SPATA19: variants seen among roughly 807,000 people sequenced by gnomAD.
SPATA19 encodes spermatogenesis-associated protein 19, mitochondrial.
In SPATA19, 19 loss-of-function variants were observed where a neutral mutation model predicts 25.0. The observed-to-expected ratio is 0.76, with a 90% confidence interval of 0.53 to 1.11. The LOEUF is 1.11. SPATA19 is among the 50% of genes most tolerant of loss of function. SPATA19 has a pLI of 0.00. For synonymous variants in SPATA19, 64 were observed against 69.3 expected, an observed-to-expected ratio of 0.92 and a Z score of 0.38; for missense variants, 222 against 211.4, an observed-to-expected ratio of 1.05 and a Z score of -0.31.
At chr11:133,836,169 T>C (rs1565394680), downstream of SPATA19, among the ~76,000 whole-genome samples, 1 of 152,158 alleles carries the variant, frequency 6.6e-6, no homozygotes, top group Non-Finnish European at 1.5e-5. Context: ...GAATAGGTTT[T>C]TGGTGTGTCC....
chr11:133,836,273 C>T (rs1275642608), downstream of SPATA19, among the ~76,000 whole-genome samples: 1 of 152,164 alleles, frequency 6.6e-6, no homozygotes, highest in Non-Finnish European at 1.5e-5. Context: ...TTACCTCCTA[C>T]TCATCCTCTA....
intron 1 of SPATA19, 56 bp from the exon 2 acceptor site, chr11:133,845,246 C>A: frequency 1.3e-6 from 2 of 1,543,678 alleles, no homozygotes; most frequent in Middle Eastern, 1.7e-4. Context: ...CAGCTCTTCC[C>A]ACCCAGCCCC....
Position 133,844,650 on chromosome 11 carries a change from G to A in SPATA19, c.136-10C>T, listed in dbSNP as rs1292171796. 4 of 1,582,546 alleles carry A rather than the reference G, an allele frequency of 2.5e-6. No individual in the cohort carries two copies. Among genetic ancestry groups the A allele is most frequent in the African/African-American group, 2.7e-5 (2 of 73,922 alleles). On this transcript the variant is annotated splice_polypyrimidine_tract_variant and intron_variant, in intron 2 of 6. Coordinates refer to ENST00000299140, the MANE Select transcript of SPATA19 (RefSeq NM_174927.3). ...AAGCCTCTTCTTCTGTCTGAAAGGT[G>A]AGAAATTCCCTCTGAAAATGTCACT...
downstream of SPATA19, among the ~76,000 whole-genome samples, chr11:133,837,851 C>T (rs115098713): frequency 1.6e-3 from 250 of 152,196 alleles, 1 homozygote; most frequent in African/African-American, 5.7e-3. Flanking sequence ...TATATAATAA[C>T]GGGATTACAG....
rs1491037470 is a variant in SPATA19 at position 133,842,577 on chromosome 11, TCG to T, written c.360-17_360-16del. 6.2e-7 allele frequency: 1 copy of T among 1,602,592 alleles called. No homozygotes were observed. The highest frequency in any genetic ancestry group is 1.1e-5 in the South Asian group (1 of 90,864). ...TACGAGTGTGGCTGCAAAAGGCCATTCGTACATTGGCATATGGGATCTGAGTT... is the reference window on the plus strand; with the variant it reads ...TACGAGTGTGGCTGCAAAAGGCCATTTACATTGGCATATGGGATCTGAGTT... On this transcript the variant is annotated splice_polypyrimidine_tract_variant and intron_variant, in intron 4 of 6. Transcript: ENST00000299140.
downstream of SPATA19, among the ~76,000 whole-genome samples, chr11:133,839,312 A>C (rs1938262591): frequency 6.6e-6 from 1 of 152,234 alleles, no homozygotes; most frequent in South Asian, 2.1e-4. Flanking sequence ...CTGGATTAAG[A>C]AAATGAGGCA....
downstream of SPATA19, among the ~76,000 whole-genome samples, chr11:133,837,857 T>C (rs1003012236): frequency 6.6e-6 from 1 of 152,182 alleles, no homozygotes; most frequent in East Asian, 1.9e-4. Flanking sequence ...ATAACGGGAT[T>C]ACAGCAGAAA....
In SPATA19 at chr11:133,844,643, G is replaced by A. The variant is rs1394493446; in HGVS notation, c.136-3C>T. 3.1e-6 allele frequency: 5 copies of A among 1,588,534 alleles called. No homozygotes were observed. The highest frequency in any genetic ancestry group is 4.3e-6 in the Non-Finnish European group (5 of 1,167,886). On this transcript the variant is annotated splice_region_variant and splice_polypyrimidine_tract_variant and intron_variant, in intron 2 of 6. Coordinates refer to ENST00000299140, the MANE Select transcript of SPATA19 (RefSeq NM_174927.3). ...CCCCGAGAAGCCTCTTCTTCTGTCT[G>A]AAAGGTGAGAAATTCCCTCTGAAAA...
At chr11:133,841,012 C>G (rs977417576) in intron 6 of SPATA19, 89 bp from the exon 7 acceptor site, 2 of 152,192 alleles carry the variant, frequency 1.3e-5, no homozygotes, top group African/African-American at 4.8e-5. Flanking sequence ...AGCTCAGAAG[C>G]CCCTGCGAAC....
chr11:133,837,744 T>G (rs916926447), downstream of SPATA19, among the ~76,000 whole-genome samples: 2 of 152,136 alleles, frequency 1.3e-5, no homozygotes, highest in African/African-American at 4.8e-5. Flanking sequence ...AGAACTAATC[T>G]TGCAAATATA....
At chr11:133,839,794 C>T (rs1284387288), downstream of SPATA19, among the ~76,000 whole-genome samples, 1 of 151,842 alleles carries the variant, frequency 6.6e-6, no homozygotes, top group Non-Finnish European at 1.5e-5. Context: ...AACTGTGGGA[C>T]AATCTCAAAA....
intron 5 of SPATA19, 79 bp downstream of exon 5, chr11:133,842,406 G>T: frequency 9.2e-7 from 1 of 1,083,950 alleles, no homozygotes; most frequent in Non-Finnish European, 1.4e-6. Flanking sequence ...TGCTGGGTGT[G>T]GGCGGGAAAC....
Position 133,845,385 on chromosome 11 carries a change from A to T in SPATA19, c.62T>A (p.Leu21Gln), listed in dbSNP as rs201668593. The change falls in exon 1 of 7, where the codon CTA becomes CAA. Residue 21 changes from leucine (L) to glutamine (Q), a missense_variant. Coordinates refer to ENST00000299140, the MANE Select transcript of SPATA19 (RefSeq NM_174927.3). ...GCTGCTTACCGAACTGGTTATTGGT[A>T]GGAAGGGAAGCCCTACACCTTTCCG... ...LARKGVGLPF[L>Q]PITSSDIDVV... 1.2e-4 allele frequency: 191 copies of T among 1,613,390 alleles called. No homozygotes were observed. Among genetic ancestry groups the T allele is most frequent in the Non-Finnish European group, 1.5e-4 (180 of 1,179,294 alleles).
chr11:133,837,326 G>T (rs1289162052), downstream of SPATA19, among the ~76,000 whole-genome samples: 1 of 152,154 alleles, frequency 6.6e-6, no homozygotes, highest in Non-Finnish European at 1.5e-5. Context: ...AATTCCACAG[G>T]AAACAGTGCT....
rs2121189100 is a variant in SPATA19 at position 133,845,170 on chromosome 11, A to G, written c.99T>C (p.Ser33=). 1.9e-6 allele frequency: 3 copies of G among 1,614,124 alleles called. No individual in the cohort carries two copies. The highest frequency in any genetic ancestry group is 2.5e-6 in the Non-Finnish European group (3 of 1,180,026). The part of the protein sequence containing the change: ...ITSSDIDVVE[S]EAVSVLHHWL... ...AATGATGTAGTACAGACACAGCCTC[A>G]CTTTCCACAACGTCAATGTCCTGGA... The change falls in exon 2 of 7, where the codon AGT becomes AGC. Residue 33 remains serine, a synonymous_variant. Transcript: ENST00000299140.
intron 5 of SPATA19, 87 bp downstream of exon 5, chr11:133,842,398 C>A: frequency 9.9e-7 from 1 of 1,006,180 alleles, no homozygotes; most frequent in Non-Finnish European, 1.6e-6. Flanking sequence ...GATAGCATTG[C>A]TGGGTGTGGG....
chr11:133,842,048 T>A lies in SPATA19; in HGVS notation c.495A>T (p.Ser165=). 3 of 1,614,104 alleles carry A rather than the reference T, an allele frequency of 1.9e-6. No individual in the cohort carries two copies. Among genetic ancestry groups the A allele is most frequent in the South Asian group, 2.2e-5 (2 of 91,084 alleles). The change falls in exon 6 of 7, where the codon TCA becomes TCT. Residue 165 remains serine, a synonymous_variant. Coordinates refer to ENST00000299140, the MANE Select transcript of SPATA19 (RefSeq NM_174927.3). ...AQDFSMRPSS[S]DC ...CTCTCACCTGTTGCTCTCAGCAGTC[T>A]GAGGAGGAGGGTCTCATACTGAAGT...
chr11:133,840,408 A>C (rs1938280696), downstream of SPATA19, among the ~76,000 whole-genome samples: 1 of 152,210 alleles, frequency 6.6e-6, no homozygotes, highest in South Asian at 2.1e-4. Context: ...GTCTGAAACA[A>C]ACCAGCACAC....
chr11:133,836,290 CG>C (rs1938211117), downstream of SPATA19, among the ~76,000 whole-genome samples: 1 of 152,128 alleles, frequency 6.6e-6, no homozygotes, highest in Non-Finnish European at 1.5e-5. Flanking sequence ...TCTACTCCCT[CG>C]CCCTACCTTA....
Sources: allele counts gnomAD v4.1 joint callset (sites outside exome capture counted in the v4.1 genomes callset), GRCh38; gene constraint gnomAD v4.1.1; transcripts MANE v1.5; gene names NCBI Gene and HGNC (gene_info 2026-07-23, HGNC 2026-07-21).